Variants in SMR3A observed in about 807,000 individuals in gnomAD.
SMR3A encodes submaxillary gland androgen-regulated protein 3A.
For missense variants in SMR3A, 188 were observed against 163.0 expected (o/e 1.15, Z -0.84); for synonymous variants, 48 against 57.4 (o/e 0.84, Z 0.74).
At chr4:70,361,197 A>T (rs1732139956) in intron 1 of SMR3A, among the ~76,000 whole-genome samples, 1 of 151,946 alleles carries the variant, frequency 6.6e-6, no homozygotes, top group Non-Finnish European at 1.5e-5. Flanking sequence ...CAAACTTCTT[A>T]TAAGAACGGA....
chr4:70,365,058 C>T (rs1732230645), intron 2 of SMR3A, among the ~76,000 whole-genome samples: 2 of 152,016 alleles, frequency 1.3e-5, no homozygotes, highest in African/African-American at 2.4e-5. Context: ...TAGAGTGGAA[C>T]TTCATTCTTA....
chr4:70,363,127 A>C (rs3775736), intron 2 of SMR3A, among the ~76,000 whole-genome samples: 13,378 of 151,984 alleles, frequency 0.088, 835 homozygotes, highest in South Asian at 0.2. Flanking sequence ...CTTCATCATA[A>C]AGCTGATTTT....
chr4:70,361,873 A>G lies in SMR3A; in HGVS notation c.-14-229A>G, dbSNP rs565370090. Among the ~76,000 whole-genome samples the G allele has an allele frequency of 4.6e-5, 7 of 152,046 alleles. 1 individual carries two copies. The highest frequency in any genetic ancestry group is 1.4e-4 in the African/African-American group (6 of 41,550). ...ACTCTTTGGCATTATCTCCAGTATC[A>G]GTTTACAAGTCAAAAATAAAAACTA... On this transcript the variant is annotated intron_variant, in intron 1 of 2. Coordinates refer to ENST00000226460, the MANE Select transcript of SMR3A (RefSeq NM_012390.4).
chr4:70,363,415 G>A (rs1732190464), intron 2 of SMR3A, among the ~76,000 whole-genome samples: 1 of 151,830 alleles, frequency 6.6e-6, no homozygotes, highest in South Asian at 2.1e-4. Context: ...TGTTTTCTCT[G>A]TTATAGGTAA....
In SMR3A at chr4:70,367,087, A is replaced by G; in HGVS notation, c.*93A>G. On this transcript the variant is annotated 3_prime_UTR_variant, in exon 3 of 3. Transcript: ENST00000226460. ...ACTACCCAAAAATAAGAATTTCAACACTACTTCCAAGAGACTTTTAGATAA... is the reference window on the plus strand; with the variant it reads ...ACTACCCAAAAATAAGAATTTCAACGCTACTTCCAAGAGACTTTTAGATAA... The G allele has an allele frequency of 4.7e-6, 5 of 1,072,640 alleles. No individual in the cohort carries two copies. Among genetic ancestry groups the G allele is most frequent in the Non-Finnish European group, 6.9e-6 (5 of 728,554 alleles). The allele number at this position is 1,072,640 out of a possible 1,614,324, so 66.4% of individuals were successfully genotyped here. A position where few individuals can be genotyped will look rare whatever the true frequency, so the allele number is the denominator to read the frequency against.
intron 1 of SMR3A, among the ~76,000 whole-genome samples, chr4:70,361,856 G>T (rs1732152973): frequency 6.6e-6 from 1 of 151,698 alleles, no homozygotes. Context: ...CAACTCTTTG[G>T]CATTATCTCC....
At chr4:70,362,421 A>G (rs1037933897) in intron 2 of SMR3A, among the ~76,000 whole-genome samples, 2 of 152,002 alleles carry the variant, frequency 1.3e-5, no homozygotes, top group African/African-American at 4.8e-5. Flanking sequence ...ATAAGTATAA[A>G]TGTAGGTCCC....
chr4:70,362,721 T>A (rs1732175566), intron 2 of SMR3A, among the ~76,000 whole-genome samples: 2 of 151,852 alleles, frequency 1.3e-5, no homozygotes, highest in Admixed American at 1.3e-4. Context: ...TGTTTCAGAA[T>A]TTTTTAATGC....
chr4:70,362,017 C>T, intron 1 of SMR3A, 85 bp from the exon 2 acceptor site: 2 of 1,598,936 alleles, frequency 1.3e-6, no homozygotes, highest in Admixed American at 3.4e-5. Context: ...ATCTGTACTA[C>T]ATTATATCCA....
rs3775732 is a variant in SMR3A at position 70,367,025 on chromosome 4, C to G, written c.*31C>G. 0.28 allele frequency: 444,590 copies of G among 1,579,244 alleles called. 65,837 individuals are homozygous for G. Among genetic ancestry groups the G allele is most frequent in the South Asian group, 0.42 (37,766 of 89,890 alleles). On this transcript the variant is annotated 3_prime_UTR_variant, in exon 3 of 3. Coordinates refer to ENST00000226460, the MANE Select transcript of SMR3A (RefSeq NM_012390.4). ...GACAACTGCAACAGGTGCCACCACC[C>G]ACAAAAGACAACACTACCCTCGTAA... is the stretch of plus-strand genomic sequence containing the variant.
At chr4:70,366,351 A>G (rs868720416) in intron 2 of SMR3A, among the ~76,000 whole-genome samples, 36 of 151,792 alleles carry the variant, frequency 2.4e-4, no homozygotes, top group African/African-American at 7.5e-4. Flanking sequence ...GGCCACTCTC[A>G]GCTCCTATAG....
intron 2 of SMR3A, among the ~76,000 whole-genome samples, chr4:70,363,093 C>A (rs1465826609): frequency 6.6e-6 from 1 of 151,894 alleles, no homozygotes; most frequent in African/African-American, 2.4e-5. Context: ...ATATTGACAT[C>A]CGTTAAATGT....
At chr4:70,364,711 G>A (rs904246791) in intron 2 of SMR3A, among the ~76,000 whole-genome samples, 2 of 151,886 alleles carry the variant, frequency 1.3e-5, no homozygotes, top group African/African-American at 4.8e-5. Context: ...ATGAAGTGGA[G>A]AATGTTTATA....
Position 70,366,760 on chromosome 4 carries a change from C to T in SMR3A, c.171C>T (p.Pro57=). 6.2e-7 allele frequency: 1 copy of T among 1,613,288 alleles called. No homozygotes were observed. The change falls in exon 3 of 3, where the codon CCC becomes CCT. Residue 57 remains proline, a synonymous_variant. Transcript: ENST00000226460. ...TTGTTCCACCACCCCATCCTCCACC[C>T]TATGGTCCAGGGAGATTTCCACCAC... is the stretch of plus-strand genomic sequence containing the variant. ...TGFVPPPHPP[P]YGPGRFPPPL... is the part of the protein sequence containing the mutation.
intron 1 of SMR3A, among the ~76,000 whole-genome samples, chr4:70,361,288 T>C (rs1732141678): frequency 6.6e-6 from 1 of 151,930 alleles, no homozygotes; most frequent in Non-Finnish European, 1.5e-5. Flanking sequence ...CATATGATTC[T>C]TTCAAAACTT....
Position 70,366,859 on chromosome 4 carries a change from A to G in SMR3A, c.270A>G (p.Gln90=), listed in dbSNP as rs374268412. 9.2e-5 allele frequency: 148 copies of G among 1,613,256 alleles called. 1 individual carries two copies. The highest frequency in any genetic ancestry group is 8.2e-4 in the Middle Eastern group (5 of 6,082). The change falls in exon 3 of 3, where the codon CAA becomes CAG. Residue 90 remains glutamine (Q), a synonymous_variant. Coordinates refer to ENST00000226460, the MANE Select transcript of SMR3A (RefSeq NM_012390.4). ...CACCCTATGGTCCAGGGAGAATTCA[A>G]TCACACTCTCTTCCTCCTCCTTATG... ...PPPPYGPGRI[Q]SHSLPPPYGP...
intron 2 of SMR3A, among the ~76,000 whole-genome samples, chr4:70,364,624 G>T (rs2109751671): frequency 1.3e-5 from 2 of 152,098 alleles, no homozygotes; most frequent in Middle Eastern, 6.8e-3. Context: ...AATCAGGGAA[G>T]TTCGTTTCTA....
intron 2 of SMR3A, among the ~76,000 whole-genome samples, chr4:70,364,757 G>C (rs1732225093): frequency 1.3e-5 from 2 of 151,834 alleles, no homozygotes; most frequent in Non-Finnish European, 2.9e-5. Context: ...CAGGCCTCTG[G>C]GGAAGTGGGA....
chr4:70,363,968 G>A (rs1037196735), intron 2 of SMR3A, among the ~76,000 whole-genome samples: 2 of 151,998 alleles, frequency 1.3e-5, no homozygotes, highest in African/African-American at 2.4e-5. Context: ...AGCTAGAGAA[G>A]ACAAATGCAA....
Sources: gnomAD v4.1 joint callset for allele counts (sites outside exome capture counted in the v4.1 genomes callset) on GRCh38, gnomAD v4.1.1 for gene constraint, MANE v1.5 for transcripts, NCBI Gene and HGNC (gene_info 2026-07-23, HGNC 2026-07-21) for gene names.